Variants in TENM2 observed in about 807,000 individuals in gnomAD.
TENM2 encodes teneurin transmembrane protein 2.
Under a neutral mutation model 245.2 loss-of-function variants are expected in TENM2, and 52 were observed. That is an observed-to-expected ratio of 0.21 (90% CI 0.17 to 0.27). TENM2 has a LOEUF of 0.27. Ranked by LOEUF, TENM2 falls within the 10% of genes least tolerant of loss-of-function variation. TENM2 has a pLI of 1.00. For missense variants in TENM2, 3,046 were observed against 3,666.8 expected (o/e 0.83, Z 4.37); for synonymous variants, 1,363 against 1,438.9 (o/e 0.95, Z 1.19).
chr5:167,839,962 C>T (rs1769349650), intron 2 of TENM2, among the ~76,000 whole-genome samples: 1 of 152,178 alleles, frequency 6.6e-6, no homozygotes, highest in South Asian at 2.1e-4. Flanking sequence ...GGATTACAGG[C>T]ATGCGCCACC....
chr5:167,166,433 G>T, the TENM2 span, among the ~76,000 whole-genome samples: 1 of 152,134 alleles, frequency 6.6e-6, no homozygotes, highest in African/African-American at 2.4e-5. Flanking sequence ...GTTCAGGTAG[G>T]CTGGATGTGG....
the TENM2 span, among the ~76,000 whole-genome samples, chr5:167,023,676 G>C: frequency 6.6e-6 from 1 of 152,172 alleles, no homozygotes; most frequent in Non-Finnish European, 1.5e-5. Flanking sequence ...ATAACCACTA[G>C]CTGTTATCTT....
At chr5:167,504,475 T>C (rs1169074872) in intron 2 of TENM2, among the ~76,000 whole-genome samples, 2 of 152,222 alleles carry the variant, frequency 1.3e-5, no homozygotes, top group Admixed American at 1.3e-4. Flanking sequence ...CACAGCTGTT[T>C]AGACATGCAA....
the TENM2 span, among the ~76,000 whole-genome samples, chr5:167,248,302 G>A: frequency 1.3e-5 from 2 of 152,070 alleles, no homozygotes; most frequent in African/African-American, 4.8e-5. Flanking sequence ...TTTGTATTAT[G>A]TGAACGTGTT....
the TENM2 span, among the ~76,000 whole-genome samples, chr5:167,099,131 C>A: frequency 6.6e-6 from 1 of 152,262 alleles, no homozygotes. Context: ...ATATCCAGCT[C>A]TACCGCTTAC....
At chr5:167,664,320 T>C (rs1208928737) in intron 2 of TENM2, among the ~76,000 whole-genome samples, 4 of 152,236 alleles carry the variant, frequency 2.6e-5, no homozygotes, top group African/African-American at 9.6e-5. Flanking sequence ...AATTCAGCAT[T>C]AGATAAACAA....
rs141897974 is a variant in TENM2, at chr5:168,182,439, T to A, written c.2570-7898T>A. On this transcript the variant is annotated intron_variant, in intron 13 of 28. Transcript: ENST00000518659. ...CCTTCTTAGAGCACCTCTGTGCATT[T>A]CAGTGCAGTCAGCATTATTAAGTCC... Among the ~76,000 whole-genome samples the A allele has an allele frequency of 4.6e-3, 699 of 152,312 alleles. 7 individuals are homozygous for A. The highest frequency in any genetic ancestry group is 0.016 in the African/African-American group (654 of 41,562).
intron 2 of TENM2, among the ~76,000 whole-genome samples, chr5:167,695,582 G>C (rs193219973): frequency 1.7e-4 from 26 of 152,132 alleles, no homozygotes; most frequent in African/African-American, 5.1e-4. Flanking sequence ...AGAGGGAAAG[G>C]GTTCAGGTTT....
chr5:167,335,649 A>C (rs1474141604), intron 1 of TENM2, among the ~76,000 whole-genome samples: 1 of 152,164 alleles, frequency 6.6e-6, no homozygotes, highest in Non-Finnish European at 1.5e-5. Flanking sequence ...GAGCCAACTA[A>C]AGCTAAAAAA....
rs1283662078 is a variant in TENM2 at position 167,988,106 on chromosome 5, G to T, written c.948-4838G>T. On this transcript the variant is annotated intron_variant, in intron 4 of 28. Coordinates refer to ENST00000518659, the Ensembl canonical transcript of TENM2. ...GTTGTTTTTTCTGTGGAGGGATCTGGCCTTGCATGTGTAAATATAGACTCT... is the reference window on the plus strand; with the variant it reads ...GTTGTTTTTTCTGTGGAGGGATCTGTCCTTGCATGTGTAAATATAGACTCT... 2.0e-5 allele frequency among the ~76,000 whole-genome samples: 3 copies of T among 152,100 alleles called. No homozygotes were observed. The East Asian group carries it at 5.8e-4, about 29-fold the overall frequency.
intron 2 of TENM2, among the ~76,000 whole-genome samples, chr5:167,595,849 G>A (rs567662944): frequency 6.6e-5 from 10 of 152,186 alleles, no homozygotes; most frequent in South Asian, 2.1e-4. Context: ...TTTATCCACC[G>A]TGTTTCCCTT....
chr5:167,102,461 G>A, the TENM2 span, among the ~76,000 whole-genome samples: 1 of 152,278 alleles, frequency 6.6e-6, no homozygotes, highest in South Asian at 2.1e-4. Context: ...CCATTTGGTA[G>A]ATGAGGGAGC....
intron 1 of TENM2, among the ~76,000 whole-genome samples, chr5:167,350,474 T>C (rs1379947239): frequency 6.7e-6 from 1 of 149,184 alleles, no homozygotes; most frequent in Non-Finnish European, 1.5e-5. Context: ...ATGGGGTATA[T>C]GTATATATCC....
At chr5:167,338,330 A>G (rs576946214) in intron 1 of TENM2, among the ~76,000 whole-genome samples, 1 of 152,338 alleles carries the variant, frequency 6.6e-6, no homozygotes, top group South Asian at 2.1e-4. Flanking sequence ...GAAAAGTCTC[A>G]GTGATTTAAA....
At chr5:167,553,002 G>A (rs1317482939) in intron 2 of TENM2, among the ~76,000 whole-genome samples, 3 of 152,154 alleles carry the variant, frequency 2.0e-5, no homozygotes, top group South Asian at 2.1e-4. Context: ...TAGTAGAGAA[G>A]CAAGACATTA....
intron 27 of TENM2, among the ~76,000 whole-genome samples, chr5:168,257,656 G>T (rs1581791977): frequency 1.5e-5 from 2 of 136,322 alleles, no homozygotes; most frequent in East Asian, 4.3e-4. Context: ...TCACTCTGTT[G>T]CCAGGCTGGA....
intron 3 of TENM2, among the ~76,000 whole-genome samples, chr5:167,885,494 T>G (rs1196664141): frequency 6.6e-6 from 1 of 152,038 alleles, no homozygotes; most frequent in African/African-American, 2.4e-5. Context: ...GGTTGTAGTG[T>G]TCTCCTACTG....
intron 3 of TENM2, among the ~76,000 whole-genome samples, chr5:167,925,918 A>G (rs1317828181): frequency 1.3e-5 from 2 of 152,210 alleles, no homozygotes; most frequent in Non-Finnish European, 2.9e-5. Flanking sequence ...ACTTATGAAC[A>G]CAACGAAGGA....
intron 2 of TENM2, among the ~76,000 whole-genome samples, chr5:167,495,779 T>A (rs1201921022): frequency 6.6e-6 from 1 of 152,088 alleles, no homozygotes. Flanking sequence ...AAGACTTTAA[T>A]CTGAACAGTC....
Sources: gnomAD v4.1 joint callset for allele counts (sites outside exome capture counted in the v4.1 genomes callset) on GRCh38, gnomAD v4.1.1 for gene constraint, MANE v1.5 for transcripts, NCBI Gene and HGNC (gene_info 2026-07-23, HGNC 2026-07-21) for gene names.